OR52N4: variants seen among roughly 807,000 people sequenced by gnomAD.
OR52N4 encodes the protein olfactory receptor 52N4.
A neutral mutation model predicts 15.0 loss-of-function variants in OR52N4; 15 were observed. The observed-to-expected ratio is 1.00, with a 90% CI of 0.67 to 1.54. The LOEUF is 1.54. OR52N4 is among the 40% of genes most tolerant of loss of function. OR52N4 has a pLI of 0.00. For missense variants in OR52N4, 421 were observed against 394.0 expected (o/e 1.07, Z -0.58); for synonymous variants, 143 against 143.7 (o/e 1.00, Z 0.03).
chr11:5,733,358 C>G, the OR52N4 span, among the ~76,000 whole-genome samples: 1 of 152,098 alleles, frequency 6.6e-6, no homozygotes, highest in Non-Finnish European at 1.5e-5. Context: ...TTGTAACACT[C>G]TGTTGTTACC....
At chr11:5,734,968 AACATACAGGCAG>A in the OR52N4 span, among the ~76,000 whole-genome samples, 1 of 152,124 alleles carries the variant, frequency 6.6e-6, no homozygotes, top group African/African-American at 2.4e-5. Context: ...TGTTTATTCA[AACATACAGGCAG>A]TAAGAAACCT....
chr11:5,755,758 C>T lies in OR52N4; in HGVS notation c.*52C>T. The T allele has an allele frequency of 1.1e-5, 18 of 1,566,706 alleles. No homozygotes were observed. Among genetic ancestry groups the T allele is most frequent in the Non-Finnish European group, 1.5e-5 (17 of 1,158,538 alleles). ...GAAGGAAAGAATTACTTCTATTTGC[C>T]TCTTATGCAGGAGTTCATAAAATCT... On this transcript the variant is annotated 3_prime_UTR_variant, in exon 2 of 2. Coordinates refer to ENST00000641350, the MANE Select transcript of OR52N4 (RefSeq NM_001005175.5).
the OR52N4 span, among the ~76,000 whole-genome samples, chr11:5,740,104 C>T: frequency 3.1e-5 from 4 of 128,020 alleles, 1 homozygote; most frequent in South Asian, 5.3e-4. Context: ...GATGACTAGT[C>T]CTATCTAGTT....
rs149906912 is a variant in OR52N4 at position 5,755,693 on chromosome 11, C to A, written c.953C>A (p.Ser318Tyr). The A allele has an allele frequency of 7.2e-5, 116 of 1,612,724 alleles. No homozygotes were observed. In the East Asian group the frequency reaches 1.8e-3, roughly 25 times the overall value. ...CTTTCAGGTTCTAAGGATACCAAAT[C>A]CTACAGCATGTGAATGAACACTTGC... ...RILSGSKDTK[S>Y]YSM The change falls in exon 2 of 2, where the codon TCC becomes TAC. Residue 318 changes from serine to tyrosine, a missense_variant. Transcript: ENST00000641350.
chr11:5,742,524 C>T, the OR52N4 span, among the ~76,000 whole-genome samples: 1 of 152,122 alleles, frequency 6.6e-6, no homozygotes, highest in African/African-American at 2.4e-5. Flanking sequence ...ACAAAGTACT[C>T]CTCAACAGAA....
At chr11:5,749,960 G>C (rs1230551637), upstream of OR52N4, among the ~76,000 whole-genome samples, 2 of 152,046 alleles carry the variant, frequency 1.3e-5, no homozygotes, top group Non-Finnish European at 2.9e-5. Flanking sequence ...GCATACGTTT[G>C]TACTTATTAA....
the OR52N4 span, among the ~76,000 whole-genome samples, chr11:5,735,714 ATAAT>A: frequency 6.6e-6 from 1 of 152,196 alleles, no homozygotes; most frequent in Non-Finnish European, 1.5e-5. Context: ...TGTAGAAAAG[ATAAT>A]GAGTCTAATT....
Position 5,755,037 on chromosome 11 carries a change from C to T in OR52N4, c.297C>T (p.Cys99=). The part of the protein sequence containing the change: ...FHLKDIGFDE[C]LVQMFFTHTF... ...TCAAGGACATTGGATTTGATGAATGCCTTGTCCAGATGTTCTTCACCCACA... is the reference window on the plus strand; with the variant it reads ...TCAAGGACATTGGATTTGATGAATGTCTTGTCCAGATGTTCTTCACCCACA... Residue 99 remains cysteine (C), a synonymous_variant, in exon 2 of 2, where the codon TGC becomes TGT. Transcript: ENST00000641350. 1 of 1,613,984 alleles carries T rather than the reference C, an allele frequency of 6.2e-7. No individual in the cohort carries two copies. Among genetic ancestry groups the T allele is most frequent in the Admixed American group, 1.7e-5 (1 of 59,970 alleles).
Position 5,755,170 on chromosome 11 carries a change from G to T in OR52N4, c.430G>T (p.Ala144Ser). 6.2e-7 allele frequency: 1 copy of T among 1,613,960 alleles called. No homozygotes were observed. Among genetic ancestry groups the T allele is most frequent in the Non-Finnish European group, 8.5e-7 (1 of 1,179,970 alleles). ...AACTATCCTCACCAATCCTGTAATT[G>T]CAAAGGTTGGGACTGCCACCTTCCT... ...YSTILTNPVI[A>S]KVGTATFLRG... The change falls in exon 2 of 2, where the codon GCA becomes TCA. Residue 144 changes from alanine to serine, a missense_variant. Ala to Ser is a moderately conservative substitution (Grantham distance 99). Transcript: ENST00000641350.
At chr11:5,741,838 T>C in the OR52N4 span, among the ~76,000 whole-genome samples, 1 of 152,002 alleles carries the variant, frequency 6.6e-6, no homozygotes, top group South Asian at 2.1e-4. Flanking sequence ...GCTTCACCTG[T>C]AGGGAGTTAT....
At position 5,755,250 on chromosome 11, in the gene OR52N4, C is replaced by A. The variant is rs1376123870; in HGVS notation, c.510C>A (p.Tyr170Ter). Residue 170 changes from tyrosine (Y) to a stop codon, truncating the protein, a stop_gained, in exon 2 of 2, where the codon TAC becomes TAA. Transcript: ENST00000641350. LOFTEE classifies it high-confidence loss of function. ...PFTFLTKLLP[Y>*]CRGNILPHTY... The stretch of plus-strand genomic sequence containing the variant: ...CTTTCCTCACCAAGCTCCTGCCCTA[C>A]TGCAGAGGCAATATACTTCCCCATA... 1 of 1,613,964 alleles carries A rather than the reference C, an allele frequency of 6.2e-7. No individual in the cohort carries two copies. Among genetic ancestry groups the A allele is most frequent in the Non-Finnish European group, 8.5e-7 (1 of 1,180,002 alleles).
At chr11:5,741,716 G>C in the OR52N4 span, among the ~76,000 whole-genome samples, 34 of 152,246 alleles carry the variant, frequency 2.2e-4, no homozygotes, top group African/African-American at 7.5e-4. Flanking sequence ...TAGTAGTTGT[G>C]GGGGTGATAG....
chr11:5,753,266 TTGCCAA>T (rs558683975), upstream of OR52N4, among the ~76,000 whole-genome samples: 228 of 152,310 alleles, frequency 1.5e-3, 4 homozygotes, highest in African/African-American at 5.4e-3. Flanking sequence ...TTCTACATCT[TTGCCAA>T]TGCTTGGTAT....
the OR52N4 span, among the ~76,000 whole-genome samples, chr11:5,730,475 G>C: frequency 6.6e-6 from 1 of 151,756 alleles, no homozygotes; most frequent in African/African-American, 2.4e-5. Context: ...ACAGGCGTGA[G>C]CCACCACGCC....
chr11:5,732,651 C>G, the OR52N4 span, among the ~76,000 whole-genome samples: 1 of 152,138 alleles, frequency 6.6e-6, no homozygotes, highest in African/African-American at 2.4e-5. Flanking sequence ...ACATGCTAGA[C>G]CACCTTCTTT....
the OR52N4 span, among the ~76,000 whole-genome samples, chr11:5,741,713 T>C: frequency 6.6e-6 from 1 of 152,218 alleles, no homozygotes; most frequent in Admixed American, 6.5e-5. Context: ...GTCTAGTAGT[T>C]GTGGGGGTGA....
the OR52N4 span, among the ~76,000 whole-genome samples, chr11:5,729,754 G>A: frequency 6.6e-6 from 1 of 152,150 alleles, no homozygotes. Context: ...GGCCACTCAT[G>A]TTTGTAATAT....
At chr11:5,741,976 T>C in the OR52N4 span, among the ~76,000 whole-genome samples, 3 of 152,030 alleles carry the variant, frequency 2.0e-5, no homozygotes, top group Non-Finnish European at 2.9e-5. Context: ...AAATAAAGAA[T>C]TTCTGAAACC....
At chr11:5,734,206 C>CCAG in the OR52N4 span, 3 of 455,720 alleles carry the variant, frequency 6.6e-6, no homozygotes, top group Non-Finnish European at 1.3e-5. Context: ...GCCTAGGATC[C>CCAG]CAGACTGTGA....
Sources: gnomAD v4.1 joint callset for allele counts (sites outside exome capture counted in the v4.1 genomes callset) on GRCh38, gnomAD v4.1.1 for gene constraint, MANE v1.5 for transcripts, NCBI Gene and HGNC (gene_info 2026-07-23, HGNC 2026-07-21) for gene names.